The following PRPSAP2 variants were observed in gnomAD, a reference collection of about 807,000 sequenced individuals.
PRPSAP2 encodes phosphoribosyl pyrophosphate synthetase associated protein 2, also known as phosphoribosyl pyrophosphate synthase-associated protein 2.
PRPSAP2 carries 24 observed loss-of-function variants against 40.6 expected under a neutral mutation model. The observed-to-expected ratio is 0.59, with a 90% CI of 0.43 to 0.83. The LOEUF (loss-of-function observed/expected upper bound fraction) is 0.83, where lower values mean the gene tolerates loss of function less well. Among genes scored for constraint, PRPSAP2 ranks in the 40% least tolerant of loss-of-function variants. The pLI, the probability that PRPSAP2 is intolerant of heterozygous loss-of-function variation, is 0.00. For synonymous variants in PRPSAP2, 149 were observed against 164.7 expected (o/e 0.90, Z 0.73); for missense variants, 292 against 465.6 (o/e 0.63, Z 3.43).
intron 7 of PRPSAP2, among the ~76,000 whole-genome samples, chr17:18,885,807 G>A (rs1451036367): frequency 6.6e-6 from 1 of 152,018 alleles, no homozygotes; most frequent in African/African-American, 2.4e-5. Flanking sequence ...GGCTGGTCTC[G>A]AACTCCTGAC....
intron 8 of PRPSAP2, among the ~76,000 whole-genome samples, chr17:18,898,835 C>T (rs2040080465): frequency 6.6e-6 from 1 of 152,028 alleles, no homozygotes; most frequent in South Asian, 2.1e-4. Context: ...CTTTTTTAGT[C>T]CTACCGTCTT....
At chr17:18,916,675 C>A (rs1480977836) in intron 9 of PRPSAP2, among the ~76,000 whole-genome samples, 3 of 152,216 alleles carry the variant, frequency 2.0e-5, no homozygotes, top group Non-Finnish European at 4.4e-5. Flanking sequence ...AGCCACTGCA[C>A]CCGGCCAGAC....
At chr17:18,913,972 A>G (rs916059840) in intron 9 of PRPSAP2, among the ~76,000 whole-genome samples, 2 of 151,318 alleles carry the variant, frequency 1.3e-5, no homozygotes, top group Non-Finnish European at 2.9e-5. Context: ...TCAGGAGATC[A>G]AGACCAGCCT....
chr17:18,889,731 G>T, intron 7 of PRPSAP2, 91 bp from the exon 8 acceptor site: 11 of 1,030,660 alleles, frequency 1.1e-5, no homozygotes, highest in South Asian at 2.0e-5. Flanking sequence ...TCTTTTTTTG[G>T]AAAACTTTCA....
At chr17:18,921,959 T>G (rs1215214463) in intron 9 of PRPSAP2, among the ~76,000 whole-genome samples, 1 of 152,216 alleles carries the variant, frequency 6.6e-6, no homozygotes, top group East Asian at 1.9e-4. Flanking sequence ...AAGAACACCC[T>G]GCACCCATTA....
chr17:18,929,984 G>C (rs565503103), intron 11 of PRPSAP2, among the ~76,000 whole-genome samples: 9 of 151,884 alleles, frequency 5.9e-5, no homozygotes, highest in South Asian at 4.2e-4. Context: ...CCGTGAGTTG[G>C]GGGGGGGCTC....
intron 9 of PRPSAP2, among the ~76,000 whole-genome samples, chr17:18,921,018 G>A (rs2041660594): frequency 6.6e-6 from 1 of 151,852 alleles, no homozygotes; most frequent in Admixed American, 6.6e-5. Context: ...TTTGAGACTG[G>A]GTCTCACTTT....
In PRPSAP2 at chr17:18,930,668, C is replaced by T. The variant is rs1023984051; in HGVS notation, c.1080C>T (p.Tyr360=). 3.1e-6 allele frequency: 5 copies of T among 1,613,276 alleles called. No homozygotes were observed. The highest frequency in any genetic ancestry group is 4.5e-5 in the East Asian group (2 of 44,876). Residue 360 remains tyrosine, a synonymous_variant, in exon 12 of 12, where the codon TAC becomes TAT. Transcript: ENST00000268835. ...RRIHNGESMS[Y]LFRNIGLDD ...TCCACAATGGGGAGTCCATGTCCTA[C>T]CTTTTCAGAAACATAGGCTTAGATG...
chr17:18,901,078 T>G (rs769093092), intron 8 of PRPSAP2, among the ~76,000 whole-genome samples: 22 of 152,154 alleles, frequency 1.4e-4, no homozygotes, highest in Non-Finnish European at 3.1e-4. Context: ...CCTTTACTCA[T>G]GCGGCGGAAA....
At chr17:18,883,804 TG>T (rs2038938860) in intron 7 of PRPSAP2, among the ~76,000 whole-genome samples, 1 of 152,212 alleles carries the variant, frequency 6.6e-6, no homozygotes, top group African/African-American at 2.4e-5. Context: ...ATTTAAAAGA[TG>T]GCAGTTTATA....
intron 4 of PRPSAP2, among the ~76,000 whole-genome samples, chr17:18,868,256 C>T (rs996935637): frequency 6.6e-6 from 1 of 152,104 alleles, no homozygotes; most frequent in African/African-American, 2.4e-5. Context: ...GGCGGATCAC[C>T]TGAGGTCAGG....
intron 10 of PRPSAP2, among the ~76,000 whole-genome samples, chr17:18,924,768 CAAAAA>C (rs869181375): frequency 3.5e-5 from 3 of 84,742 alleles, no homozygotes; most frequent in Non-Finnish European, 7.4e-5. Flanking sequence ...GGCTGTGTCT[CAAAAA>C]AAAAAAAAAA....
chr17:18,920,026 TG>T (rs979907542), intron 9 of PRPSAP2, among the ~76,000 whole-genome samples: 4 of 152,130 alleles, frequency 2.6e-5, no homozygotes, highest in East Asian at 1.9e-4. Flanking sequence ...CTGTTGGTGC[TG>T]GGGGGTAGGC....
chr17:18,917,759 AG>A (rs963869222), intron 9 of PRPSAP2, among the ~76,000 whole-genome samples: 2 of 151,050 alleles, frequency 1.3e-5, no homozygotes, highest in Non-Finnish European at 3.0e-5. Context: ...AGGAGGAGGG[AG>A]GGGACTGATG....
At chr17:18,881,485 G>A (rs898281384) in intron 6 of PRPSAP2, among the ~76,000 whole-genome samples, 10 of 151,548 alleles carry the variant, frequency 6.6e-5, no homozygotes, top group Admixed American at 2.0e-4. Flanking sequence ...TGATCCACCC[G>A]CCTCGGCCTC....
intron 8 of PRPSAP2, 144 bp from the exon 9 acceptor site, chr17:18,910,959 G>A (rs1032217312): frequency 4.0e-6 from 4 of 1,005,086 alleles, no homozygotes; most frequent in Non-Finnish European, 5.4e-6. Flanking sequence ...GTTTCTAAGA[G>A]TCTAAGGCTG....
Position 18,929,097 on chromosome 17 carries a change from C to G in PRPSAP2, c.951+140C>G. ...AAGGGCTGGGTGCAGTGGTTCACGC[C>G]TGTAATCCCAGCACTTTGGGAGGCC... On this transcript the variant is annotated intron_variant, in intron 11 of 11. Coordinates refer to ENST00000268835, the MANE Select transcript of PRPSAP2 (RefSeq NM_002767.4). 4 of 1,294,538 alleles carry G rather than the reference C, an allele frequency of 3.1e-6. No individual in the cohort carries two copies. In the South Asian group the frequency reaches 5.8e-5, roughly 19 times the overall value. The allele number at this position is 1,294,538 out of a possible 1,614,324, so 80.2% of individuals were successfully genotyped here. A position where few individuals can be genotyped will look rare whatever the true frequency, so the allele number is the denominator to read the frequency against.
upstream of PRPSAP2, among the ~76,000 whole-genome samples, chr17:18,856,804 C>T (rs551918102): frequency 5.3e-5 from 8 of 152,312 alleles, no homozygotes; most frequent in East Asian, 1.5e-3. Flanking sequence ...TCAGTTCCCA[C>T]AACTATTAAA....
chr17:18,890,436 C>T (rs986134682), intron 8 of PRPSAP2, among the ~76,000 whole-genome samples: 2 of 152,166 alleles, frequency 1.3e-5, no homozygotes, highest in African/African-American at 2.4e-5. Flanking sequence ...TCCCAAGGTG[C>T]TGGGATTACA....
Sources: allele counts gnomAD v4.1 joint callset (sites outside exome capture counted in the v4.1 genomes callset), GRCh38; gene constraint gnomAD v4.1.1; transcripts MANE v1.5; gene names NCBI Gene and HGNC (gene_info 2026-07-23, HGNC 2026-07-21).